The following GPR158 variants were observed in gnomAD, a reference collection of about 807,000 sequenced individuals.
GPR158 encodes the protein G protein-coupled receptor 158, also known as metabotropic glycine receptor.
GPR158 carries 30 observed loss-of-function variants against 78.2 expected under a neutral mutation model. That is an observed-to-expected ratio of 0.38 (90% confidence interval 0.29 to 0.52). The LOEUF is 0.52. GPR158 is among the 20% of genes least tolerant of loss of function. The probability of loss-of-function intolerance (pLI) is 0.83; values close to 1 mark genes in which losing one functional copy is unlikely to be tolerated. For missense variants in GPR158, 1,463 were observed against 1,523.5 expected (o/e 0.96, Z 0.66); for synonymous variants, 581 against 591.1 (o/e 0.98, Z 0.25).
At chr10:25,303,046 G>A (rs1183346737) in intron 2 of GPR158, among the ~76,000 whole-genome samples, 2 of 152,146 alleles carry the variant, frequency 1.3e-5, no homozygotes, top group Non-Finnish European at 2.9e-5. Context: ...CCCATGTCAA[G>A]ATGGAGAAAT....
intron 2 of GPR158, among the ~76,000 whole-genome samples, chr10:25,394,063 C>G (rs1386217682): frequency 2.0e-5 from 3 of 152,228 alleles, no homozygotes; most frequent in Admixed American, 6.5e-5. Context: ...AACTGAACTT[C>G]TGATCTTTTC....
chr10:25,198,605 C>T (rs1188334636), intron 1 of GPR158, among the ~76,000 whole-genome samples: 1 of 152,118 alleles, frequency 6.6e-6, no homozygotes. Context: ...GCTACAAATG[C>T]CTCTTAAATT....
In GPR158 at chr10:25,599,129, G is replaced by T; in HGVS notation, c.3503G>T (p.Arg1168Leu). Residue 1168 changes from arginine (R) to leucine (L), a missense_variant, in exon 11 of 11, where the codon CGA (arginine) becomes CTA (leucine). Arg to Leu is a moderately radical substitution (Grantham distance 102, BLOSUM62 -2). Transcript: ENST00000376351. ...SNNFQQPLTS[R>L]AEVCPWEFET... is the part of the protein sequence containing the mutation. Reference sequence around the variant, plus strand: ...AACTTCCAGCAACCTTTAACATCACGAGCAGAGGTTTGTCCTTGGGAGTTT... The same window carrying T: ...AACTTCCAGCAACCTTTAACATCACTAGCAGAGGTTTGTCCTTGGGAGTTT... 1.9e-6 allele frequency: 3 copies of T among 1,611,332 alleles called. No homozygotes were observed. Among genetic ancestry groups the T allele is most frequent in the South Asian group, 1.1e-5 (1 of 91,072 alleles).
rs568251414 is a variant in GPR158 at position 25,311,909 on chromosome 10, G to T, written c.1009-84002G>T. Among the ~76,000 whole-genome samples the T allele has an allele frequency of 2.6e-5, 4 of 152,114 alleles. No homozygotes were observed. In the East Asian group the frequency reaches 7.7e-4, roughly 29 times the overall value. On this transcript the variant is annotated intron_variant, in intron 2 of 10. Coordinates refer to ENST00000376351, the MANE Select transcript of GPR158 (RefSeq NM_020752.3). ...ATGAAACATGCAAAGCTAGTGAGAAGATTGATATGGTTGTACATTTTGTAT... is the reference window on the plus strand; with the variant it reads ...ATGAAACATGCAAAGCTAGTGAGAATATTGATATGGTTGTACATTTTGTAT...
intron 2 of GPR158, among the ~76,000 whole-genome samples, chr10:25,253,123 C>G (rs867457232): frequency 2.6e-5 from 4 of 152,234 alleles, no homozygotes; most frequent in Admixed American, 6.5e-5. Flanking sequence ...AGGGAACTCC[C>G]TGACCCCTTG....
At chr10:25,460,038 T>A (rs573449281) in intron 4 of GPR158, among the ~76,000 whole-genome samples, 3 of 152,288 alleles carry the variant, frequency 2.0e-5, no homozygotes, top group East Asian at 1.9e-4. Context: ...CCCAGCTTTA[T>A]ATTCATCTGC....
At chr10:25,575,165 T>G (rs1338546377) in intron 7 of GPR158, among the ~76,000 whole-genome samples, 2 of 152,062 alleles carry the variant, frequency 1.3e-5, no homozygotes, top group South Asian at 2.1e-4. Flanking sequence ...TGGAATACAT[T>G]GTGAGTAATG....
At chr10:25,253,499 A>C (rs988318181) in intron 2 of GPR158, among the ~76,000 whole-genome samples, 3 of 152,186 alleles carry the variant, frequency 2.0e-5, no homozygotes, top group Admixed American at 6.5e-5. Flanking sequence ...CTGAGAGTCC[A>C]CCTTTGACTT....
intron 2 of GPR158, among the ~76,000 whole-genome samples, chr10:25,279,153 T>C (rs1027333225): frequency 1.3e-5 from 2 of 152,128 alleles, no homozygotes; most frequent in Non-Finnish European, 2.9e-5. Context: ...CTACTACTAC[T>C]GCTGCTGCTA....
chr10:25,458,507 A>T (rs1322447592), intron 4 of GPR158, among the ~76,000 whole-genome samples: 1 of 152,214 alleles, frequency 6.6e-6, no homozygotes, highest in Non-Finnish European at 1.5e-5. Flanking sequence ...TCTGGCACTG[A>T]TCAGCCGAGT....
At chr10:25,247,503 C>CAGG (rs1853711984) in intron 2 of GPR158, among the ~76,000 whole-genome samples, 2 of 112,354 alleles carry the variant, frequency 1.8e-5, no homozygotes, top group Non-Finnish European at 3.4e-5. Flanking sequence ...GTGTGATATT[C>CAGG]CCCTTCCTGT....
intron 2 of GPR158, among the ~76,000 whole-genome samples, chr10:25,292,558 A>G (rs1854454771): frequency 6.6e-6 from 1 of 152,160 alleles, no homozygotes; most frequent in Admixed American, 6.5e-5. Context: ...TAGCAGAATC[A>G]TTGAATGAGG....
At chr10:25,355,519 G>C (rs369193615) in intron 2 of GPR158, among the ~76,000 whole-genome samples, 186 of 152,068 alleles carry the variant, frequency 1.2e-3, no homozygotes, top group African/African-American at 4.3e-3. Flanking sequence ...CTTGTTACTG[G>C]CTCCTTTATC....
At chr10:25,457,858 C>T (rs1222648670) in intron 4 of GPR158, among the ~76,000 whole-genome samples, 1 of 152,194 alleles carries the variant, frequency 6.6e-6, no homozygotes, top group Admixed American at 6.5e-5. Context: ...GAGGGGAATA[C>T]ATTTAAGTGT....
At position 25,349,032 on chromosome 10, in the gene GPR158, G is replaced by A. The variant is rs57417993; in HGVS notation, c.1009-46879G>A. ...CTGTTTTACAAATTACCCAAACTTAGTGTCTTAAAACAATATAAATGTATC... is the reference window on the plus strand; with the variant it reads ...CTGTTTTACAAATTACCCAAACTTAATGTCTTAAAACAATATAAATGTATC... On this transcript the variant is annotated intron_variant, in intron 2 of 10. Coordinates refer to ENST00000376351, the MANE Select transcript of GPR158 (RefSeq NM_020752.3). Among the ~76,000 whole-genome samples, 971 of 152,114 alleles carry A rather than the reference G, an allele frequency of 6.4e-3. 9 individuals carry two copies. The highest frequency in any genetic ancestry group is 0.022 in the African/African-American group (923 of 41,530).
rs542524498 is a variant in GPR158 at position 25,525,671 on chromosome 10, G to A, written c.1405-25305G>A. ...CTGCCTGTGGCAGGGGAAGAATGGG[G>A]GAATGACTGCTAATCATTATGGGGT... On this transcript the variant is annotated intron_variant, in intron 5 of 10. Transcript: ENST00000376351. 1.2e-4 allele frequency among the ~76,000 whole-genome samples: 18 copies of A among 152,284 alleles called. 1 individual carries two copies. Among genetic ancestry groups the A allele is most frequent in the African/African-American group, 3.6e-4 (15 of 41,564 alleles).
At chr10:25,541,217 T>C (rs1429402551) in intron 5 of GPR158, among the ~76,000 whole-genome samples, 1 of 151,964 alleles carries the variant, frequency 6.6e-6, no homozygotes, top group African/African-American at 2.4e-5. Context: ...TAGTGAGGAC[T>C]TGCCAATCAT....
chr10:25,489,358 C>T (rs1002735558), intron 5 of GPR158, among the ~76,000 whole-genome samples: 3 of 152,022 alleles, frequency 2.0e-5, no homozygotes, highest in African/African-American at 7.2e-5. Flanking sequence ...TTTTTATTTC[C>T]ATCCCATACT....
chr10:25,478,518 GTGTGTGTGT>G (rs1835619823), intron 5 of GPR158, among the ~76,000 whole-genome samples: 2 of 150,302 alleles, frequency 1.3e-5, no homozygotes, highest in Admixed American at 6.7e-5. Context: ...GTGTGTGTGT[GTGTGTGTGT>G]AGAGAGAAGA....
Sources: allele counts gnomAD v4.1 joint callset (sites outside exome capture counted in the v4.1 genomes callset), GRCh38; gene constraint gnomAD v4.1.1; transcripts MANE v1.5; gene names NCBI Gene and HGNC (gene_info 2026-07-23, HGNC 2026-07-21).